Variants in NYAP2 observed in about 807,000 individuals in gnomAD.
NYAP2 encodes neuronal tyrosine-phosphorylated phosphoinositide-3-kinase adaptor 2.
A neutral mutation model predicts 50.4 loss-of-function variants in NYAP2; 23 were observed. That is an observed-to-expected ratio of 0.46 (90% CI 0.33 to 0.65). The LOEUF (loss-of-function observed/expected upper bound fraction) is 0.65. Ranked by LOEUF, NYAP2 falls within the 30% of genes least tolerant of loss-of-function variation. The pLI is 0.02. For missense variants in NYAP2, 885 were observed against 861.0 expected (o/e 1.03, Z -0.35); for synonymous variants, 394 against 365.2 (o/e 1.08, Z -0.90).
At chr2:225,414,698 T>TA (rs1695095538) in intron 3 of NYAP2, among the ~76,000 whole-genome samples, 1 of 151,870 alleles carries the variant, frequency 6.6e-6, no homozygotes, top group Non-Finnish European at 1.5e-5. Context: ...AGTTGACTAT[T>TA]TACAGGCCAC....
At chr2:225,537,170 C>T (rs568013380) in intron 4 of NYAP2, among the ~76,000 whole-genome samples, 178 of 152,110 alleles carry the variant, frequency 1.2e-3, no homozygotes, top group Non-Finnish European at 2.4e-3. Flanking sequence ...GTAATCTTCC[C>T]TTCTCTCTCT....
At chr2:225,605,535 T>TA (rs897803720) in intron 5 of NYAP2, among the ~76,000 whole-genome samples, 4 of 152,060 alleles carry the variant, frequency 2.6e-5, no homozygotes, top group Non-Finnish European at 4.4e-5. Context: ...AGTAGCTAAG[T>TA]AAAAAATCAG....
At chr2:225,601,965 CTTG>C (rs1287044001) in intron 5 of NYAP2, among the ~76,000 whole-genome samples, 4 of 152,278 alleles carry the variant, frequency 2.6e-5, no homozygotes, top group South Asian at 2.1e-4. Flanking sequence ...CAAATGCAGT[CTTG>C]TTGTCTGAGT....
the NYAP2 span, among the ~76,000 whole-genome samples, chr2:225,690,214 G>A: frequency 6.6e-6 from 1 of 151,950 alleles, no homozygotes; most frequent in African/African-American, 2.4e-5. Flanking sequence ...GCCTCTATAT[G>A]TTTCCAACAT....
intron 4 of NYAP2, among the ~76,000 whole-genome samples, chr2:225,565,626 A>G (rs767503660): frequency 2.9e-5 from 4 of 135,880 alleles, no homozygotes; most frequent in Non-Finnish European, 7.0e-5. Context: ...ATAATTCTCC[A>G]TGTATAGCAA....
chr2:225,480,899 T>G (rs1690195756), intron 3 of NYAP2, among the ~76,000 whole-genome samples: 1 of 152,104 alleles, frequency 6.6e-6, no homozygotes. Context: ...ATTTTCAGAA[T>G]TAACTATCTT....
chr2:225,620,976 T>C (rs1236081530), intron 5 of NYAP2, among the ~76,000 whole-genome samples: 2 of 151,760 alleles, frequency 1.3e-5, no homozygotes, highest in Admixed American at 6.6e-5. Context: ...TAGCCGGGCA[T>C]GGTGGTGGGC....
intron 4 of NYAP2, among the ~76,000 whole-genome samples, chr2:225,546,710 A>G (rs1177884442): frequency 1.3e-5 from 2 of 152,054 alleles, no homozygotes; most frequent in Non-Finnish European, 2.9e-5. Flanking sequence ...CCTAAAATGA[A>G]AGACTAAGTC....
At chr2:225,644,778 T>C (rs1222982673) in intron 6 of NYAP2, among the ~76,000 whole-genome samples, 1 of 150,262 alleles carries the variant, frequency 6.7e-6, no homozygotes, top group Non-Finnish European at 1.5e-5. Context: ...TTCTGAGGGC[T>C]CTGTTCTGTT....
Position 225,399,738 on chromosome 2 carries a change from A to AG in NYAP2, c.-1015dup, listed in dbSNP as rs987839255. 1.3e-5 allele frequency: 2 copies of AG among 152,012 alleles called. No homozygotes were observed. Among genetic ancestry groups the AG allele is most frequent in the African/African-American group, 4.8e-5 (2 of 41,414 alleles). 9.4% of individuals were successfully genotyped at this position (152,012 alleles called of 1,614,324 possible). A position where few individuals can be genotyped will look rare whatever the true frequency, so the allele number is the denominator to read the frequency against. The stretch of plus-strand genomic sequence containing the variant: ...AATTGTGTGCATGGCTCGGCTGTGC[A>AG]GGGAGGGTGGAGGCAAAATTGATAT... On this transcript the variant is annotated 5_prime_UTR_variant, in exon 1 of 7. It introduces an in-frame stop codon into an upstream open reading frame of the 5' UTR. Transcript: ENST00000636099.
the NYAP2 span, among the ~76,000 whole-genome samples, chr2:225,678,776 A>AT: frequency 6.6e-6 from 1 of 152,198 alleles, no homozygotes; most frequent in African/African-American, 2.4e-5. Context: ...CCCATGAAGC[A>AT]GTGAGAATGG....
At chr2:225,684,196 T>C in the NYAP2 span, among the ~76,000 whole-genome samples, 1 of 152,138 alleles carries the variant, frequency 6.6e-6, no homozygotes, top group Non-Finnish European at 1.5e-5. Context: ...AATCAGTACT[T>C]CCTCATTTTG....
downstream of NYAP2, among the ~76,000 whole-genome samples, chr2:225,656,158 C>T (rs952608292): frequency 1.2e-4 from 19 of 152,170 alleles, no homozygotes; most frequent in Middle Eastern, 3.4e-3. Context: ...TTGTAATTTC[C>T]TTTGGACACA....
chr2:225,467,086 G>C (rs1689931718), intron 3 of NYAP2, among the ~76,000 whole-genome samples: 1 of 152,108 alleles, frequency 6.6e-6, no homozygotes, highest in African/African-American at 2.4e-5. Flanking sequence ...CTTTCCTTGG[G>C]GTGGGCTGTC....
intron 5 of NYAP2, among the ~76,000 whole-genome samples, chr2:225,593,197 A>G (rs1252087806): frequency 6.6e-6 from 1 of 152,200 alleles, no homozygotes; most frequent in Non-Finnish European, 1.5e-5. Context: ...ATGATCTTGA[A>G]GTCTAGCACA....
At chr2:225,685,351 A>C in the NYAP2 span, among the ~76,000 whole-genome samples, 1 of 152,200 alleles carries the variant, frequency 6.6e-6, no homozygotes, top group Non-Finnish European at 1.5e-5. Flanking sequence ...TGATTAAGAT[A>C]ATATACTTAG....
chr2:225,564,267 A>G (rs1210866998), intron 4 of NYAP2, among the ~76,000 whole-genome samples: 1 of 151,026 alleles, frequency 6.6e-6, no homozygotes, highest in Non-Finnish European at 1.5e-5. Flanking sequence ...GATTAAATAG[A>G]ACCTCCAAAT....
At chr2:225,433,704 CTA>C (rs1689316025) in intron 3 of NYAP2, among the ~76,000 whole-genome samples, 1 of 151,130 alleles carries the variant, frequency 6.6e-6, no homozygotes, top group African/African-American at 2.4e-5. Flanking sequence ...GTAGTCCCAG[CTA>C]CTCAGGAGGC....
chr2:225,561,603 G>A (rs972937975), intron 4 of NYAP2, among the ~76,000 whole-genome samples: 2 of 152,024 alleles, frequency 1.3e-5, no homozygotes, highest in African/African-American at 2.4e-5. Context: ...GGCTGGCATG[G>A]AGTAAGCATT....
Sources: gnomAD v4.1 joint callset for allele counts (sites outside exome capture counted in the v4.1 genomes callset) on GRCh38, gnomAD v4.1.1 for gene constraint, MANE v1.5 for transcripts, NCBI Gene and HGNC (gene_info 2026-07-23, HGNC 2026-07-21) for gene names.